Variants in FGGY observed in about 807,000 individuals in gnomAD.
The protein encoded by FGGY is FGGY carbohydrate kinase domain-containing protein.
FGGY carries 72 observed loss-of-function variants against 71.3 expected under a neutral mutation model. The ratio of observed to expected loss-of-function variants is 1.01; its 90% CI spans 0.84 to 1.23. FGGY has a LOEUF of 1.23. FGGY is among the 50% of genes most tolerant of loss of function. The pLI is 0.00. For synonymous variants in FGGY, 251 were observed against 250.3 expected (o/e 1.00, Z -0.02); for missense variants, 668 against 682.3 (o/e 0.98, Z 0.23).
At chr1:59,602,124 A>G (rs1040188664) in intron 8 of FGGY, among the ~76,000 whole-genome samples, 1 of 152,234 alleles carries the variant, frequency 6.6e-6, no homozygotes, top group African/African-American at 2.4e-5. Flanking sequence ...CAAAAGAGAT[A>G]TTAAATATTT....
chr1:59,359,872 G>T (rs1447015025), intron 4 of FGGY, among the ~76,000 whole-genome samples: 2 of 152,108 alleles, frequency 1.3e-5, no homozygotes, highest in African/African-American at 4.8e-5. Context: ...CAAAGTGAAG[G>T]AATATTCAGA....
chr1:59,585,897 A>G (rs187965003), intron 8 of FGGY, among the ~76,000 whole-genome samples: 210 of 152,372 alleles, frequency 1.4e-3, no homozygotes, highest in African/African-American at 4.7e-3. Flanking sequence ...TATGCAGCCA[A>G]AAGGCACATG....
intron 2 of FGGY, among the ~76,000 whole-genome samples, chr1:59,330,332 A>G (rs1250998470): frequency 6.6e-6 from 1 of 152,084 alleles, no homozygotes; most frequent in Non-Finnish European, 1.5e-5. Context: ...GCACTTTGGG[A>G]GGCCCAGGTG....
chr1:59,511,504 A>G (rs918366272), intron 6 of FGGY, among the ~76,000 whole-genome samples: 9 of 152,132 alleles, frequency 5.9e-5, no homozygotes, highest in Admixed American at 3.3e-4. Context: ...GGATCATTTC[A>G]TTCTATTCTG....
chr1:59,311,882 T>G (rs1246895715), intron 1 of FGGY, among the ~76,000 whole-genome samples: 1 of 152,228 alleles, frequency 6.6e-6, no homozygotes, highest in Non-Finnish European at 1.5e-5. Flanking sequence ...GTAAAAGCAT[T>G]CCTGTTTCTA....
intron 5 of FGGY, among the ~76,000 whole-genome samples, chr1:59,417,758 G>A (rs2064715867): frequency 6.6e-6 from 1 of 152,102 alleles, no homozygotes; most frequent in Non-Finnish European, 1.5e-5. Context: ...TTGCAGAAAT[G>A]TCTGTTCAGA....
intron 5 of FGGY, among the ~76,000 whole-genome samples, chr1:59,411,316 T>C (rs2063566740): frequency 6.6e-6 from 1 of 152,244 alleles, no homozygotes; most frequent in Non-Finnish European, 1.5e-5. Context: ...TGTTGTGCCT[T>C]TCACAGTGCA....
intron 14 of FGGY, among the ~76,000 whole-genome samples, chr1:59,680,161 T>G (rs2097481921): frequency 6.6e-6 from 1 of 152,160 alleles, no homozygotes; most frequent in South Asian, 2.1e-4. Flanking sequence ...TAATCCTACT[T>G]ATTTCACATA....
intron 8 of FGGY, among the ~76,000 whole-genome samples, chr1:59,574,404 C>G (rs1307897859): frequency 2.6e-5 from 4 of 152,182 alleles, no homozygotes; most frequent in African/African-American, 9.7e-5. Context: ...AAGATTGTCT[C>G]CTCATGTCAG....
At chr1:59,297,715 C>G (rs1001686806) in intron 1 of FGGY, among the ~76,000 whole-genome samples, 11 of 151,536 alleles carry the variant, frequency 7.3e-5, no homozygotes, top group Middle Eastern at 6.8e-3. Flanking sequence ...CCCAGCTTCT[C>G]GGGAGGCTGA....
intron 14 of FGGY, among the ~76,000 whole-genome samples, chr1:59,711,352 G>A (rs567494907): frequency 2.6e-5 from 4 of 152,238 alleles, no homozygotes; most frequent in Admixed American, 2.6e-4. Flanking sequence ...CAACGGGTCG[G>A]TGGGTACAGC....
chr1:59,760,799 G>A (rs1421193820), intron 15 of FGGY, among the ~76,000 whole-genome samples: 1 of 152,158 alleles, frequency 6.6e-6, no homozygotes, highest in African/African-American at 2.4e-5. Flanking sequence ...TGTGTGAAGG[G>A]GTGCTCACCT....
chr1:59,442,609 T>C (rs764075654), intron 5 of FGGY, among the ~76,000 whole-genome samples: 1 of 152,204 alleles, frequency 6.6e-6, no homozygotes, highest in Admixed American at 6.5e-5. Flanking sequence ...TCTGACTCTT[T>C]CTGCTTTGTG....
At chr1:59,476,261 A>G (rs1190277229) in intron 6 of FGGY, among the ~76,000 whole-genome samples, 3 of 152,254 alleles carry the variant, frequency 2.0e-5, no homozygotes, top group Non-Finnish European at 4.4e-5. Flanking sequence ...CTTAACACTC[A>G]TGACTATCCA....
At chr1:59,559,056 AT>A (rs1258573564) in intron 8 of FGGY, among the ~76,000 whole-genome samples, 1 of 152,112 alleles carries the variant, frequency 6.6e-6, no homozygotes, top group African/African-American at 2.4e-5. Flanking sequence ...AGGTGCACTG[AT>A]TTCATATTGT....
At chr1:59,379,238 T>C (rs1256119060) in intron 5 of FGGY, among the ~76,000 whole-genome samples, 2 of 149,470 alleles carry the variant, frequency 1.3e-5, no homozygotes, top group African/African-American at 2.5e-5. Flanking sequence ...AGAGAATGTG[T>C]TGTTAGGCAA....
chr1:59,549,876 A>G (rs1057158259), intron 7 of FGGY, among the ~76,000 whole-genome samples: 4 of 152,230 alleles, frequency 2.6e-5, no homozygotes, highest in African/African-American at 9.7e-5. Context: ...ATTAAATAAG[A>G]GAGCTGTTCA....
chr1:59,578,020 T>C (rs2096114794), intron 8 of FGGY, among the ~76,000 whole-genome samples: 1 of 152,090 alleles, frequency 6.6e-6, no homozygotes. Flanking sequence ...GCTAAAAGAT[T>C]GTGAAACTTG....
intron 5 of FGGY, among the ~76,000 whole-genome samples, chr1:59,432,887 C>T (rs758275122): frequency 1.3e-5 from 2 of 152,184 alleles, no homozygotes; most frequent in East Asian, 3.9e-4. Flanking sequence ...GCAAAGCTAT[C>T]GTTCTGACTG....
Sources: gnomAD v4.1 joint callset for allele counts (sites outside exome capture counted in the v4.1 genomes callset) on GRCh38, gnomAD v4.1.1 for gene constraint, MANE v1.5 for transcripts, NCBI Gene and HGNC (gene_info 2026-07-23, HGNC 2026-07-21) for gene names.